FOXP1: variants seen among roughly 807,000 people sequenced by gnomAD.
The protein encoded by FOXP1 is forkhead box protein P1.
Under a neutral mutation model 98.2 loss-of-function variants are expected in FOXP1, and 15 were observed. The observed-to-expected ratio is 0.15, with a 90% CI of 0.10 to 0.24. The LOEUF (loss-of-function observed/expected upper bound fraction) is 0.24. FOXP1 is among the 10% of genes least tolerant of loss of function. FOXP1 has a pLI of 1.00. For synonymous variants in FOXP1, 371 were observed against 314.5 expected, an observed-to-expected ratio of 1.18 and a Z score of -1.90; for missense variants, 633 against 848.5, an observed-to-expected ratio of 0.75 and a Z score of 3.15.
chr3:71,397,045 TATAC>T (rs1346179976), intron 3 of FOXP1, among the ~76,000 whole-genome samples: 1,055 of 96,006 alleles, frequency 0.011, 269 homozygotes, highest in African/African-American at 0.041. Context: ...TGTATATATA[TATAC>T]ACATATATAT....
At chr3:71,434,340 A>G (rs1194384808) in intron 3 of FOXP1, among the ~76,000 whole-genome samples, 1 of 151,644 alleles carries the variant, frequency 6.6e-6, no homozygotes, top group Non-Finnish European at 1.5e-5. Flanking sequence ...TTCCCACTCC[A>G]GTCCTGGGAG....
chr3:71,446,311 A>G (rs1428085849), intron 3 of FOXP1, among the ~76,000 whole-genome samples: 1 of 152,100 alleles, frequency 6.6e-6, no homozygotes, highest in Non-Finnish European at 1.5e-5. Context: ...TTGCAGATGG[A>G]GGTAATATAA....
intron 4 of FOXP1, among the ~76,000 whole-genome samples, chr3:71,318,987 A>ATT: frequency 6.6e-6 from 1 of 152,224 alleles, no homozygotes. Context: ...ACATTCATAA[A>ATT]CAGAATAGAA....
intron 20 of FOXP1, among the ~76,000 whole-genome samples, chr3:70,962,525 G>A (rs1187735081): frequency 1.3e-5 from 2 of 152,156 alleles, no homozygotes; most frequent in Non-Finnish European, 2.9e-5. Flanking sequence ...GTAAGCTCAG[G>A]TTACCTTAAA....
chr3:71,183,965 C>T (rs1046960794), intron 6 of FOXP1, among the ~76,000 whole-genome samples: 3 of 152,040 alleles, frequency 2.0e-5, no homozygotes, highest in Non-Finnish European at 4.4e-5. Context: ...CCAGCCTGAC[C>T]AACATGGAGA....
chr3:71,077,828 G>A (rs1286698608), intron 7 of FOXP1, among the ~76,000 whole-genome samples: 2 of 140,754 alleles, frequency 1.4e-5, no homozygotes, highest in Non-Finnish European at 1.6e-5. Flanking sequence ...TATGTTTCCT[G>A]TGCATATATT....
chr3:71,515,116 C>T (rs1403860080), intron 2 of FOXP1, among the ~76,000 whole-genome samples: 2 of 152,118 alleles, frequency 1.3e-5, no homozygotes, highest in Non-Finnish European at 2.9e-5. Flanking sequence ...TACGACAGAC[C>T]TCCATTCTCT....
chr3:70,978,141 T>C (rs946093560), intron 14 of FOXP1, 112 bp from the exon 15 acceptor site: 3 of 830,832 alleles, frequency 3.6e-6, no homozygotes, highest in Admixed American at 1.9e-5. Flanking sequence ...TCTTCCTCTA[T>C]GTAGATGGTA....
At chr3:71,026,802 G>A (rs2046178338) in intron 11 of FOXP1, among the ~76,000 whole-genome samples, 2 of 152,230 alleles carry the variant, frequency 1.3e-5, no homozygotes, top group African/African-American at 4.8e-5. Flanking sequence ...CATAGCAGGA[G>A]AACGGAGCAG....
At chr3:71,142,962 AAGGGCAGGGC>A (rs534818407) in intron 6 of FOXP1, among the ~76,000 whole-genome samples, 47 of 151,882 alleles carry the variant, frequency 3.1e-4, no homozygotes, top group Admixed American at 1.1e-3. Flanking sequence ...GCAGGAAAGA[AAGGGCAGGGC>A]AGGGCAGGGC....
chr3:71,541,436 CAT>C (rs143221859), intron 2 of FOXP1, among the ~76,000 whole-genome samples: 1 of 152,246 alleles, frequency 6.6e-6, no homozygotes, highest in East Asian at 1.9e-4. Flanking sequence ...CTTGCTTTCA[CAT>C]AGTAAATTTT....
intron 6 of FOXP1, among the ~76,000 whole-genome samples, chr3:71,120,028 CTG>C (rs1429627611): frequency 1.3e-5 from 2 of 152,220 alleles, no homozygotes; most frequent in African/African-American, 2.4e-5. Flanking sequence ...ATACTAATGA[CTG>C]TGTAAATATT....
At chr3:71,166,184 A>G (rs921093432) in intron 6 of FOXP1, among the ~76,000 whole-genome samples, 1 of 152,088 alleles carries the variant, frequency 6.6e-6, no homozygotes. Context: ...TTCCAGGAAA[A>G]TGGGGGCACA....
intron 3 of FOXP1, among the ~76,000 whole-genome samples, chr3:71,390,404 A>G (rs2080942464): frequency 6.6e-6 from 1 of 152,206 alleles, no homozygotes; most frequent in African/African-American, 2.4e-5. Context: ...CATGCAACCC[A>G]CCTTCTCTGT....
chr3:71,583,461 CTTTCT>C (rs1428166609), intron 1 of FOXP1, 105 bp downstream of exon 1: 20 of 923,112 alleles, frequency 2.2e-5, no homozygotes, highest in South Asian at 1.0e-4. Flanking sequence ...CTTTTTCTTT[CTTTCT>C]TTTTTTTTTT....
intron 6 of FOXP1, among the ~76,000 whole-genome samples, chr3:71,193,124 TTTGTTGTTG>T (rs539003963): frequency 2.0e-5 from 3 of 151,430 alleles, no homozygotes; most frequent in South Asian, 2.1e-4. Flanking sequence ...ATCCCCTTTG[TTTGTTGTTG>T]TTGTTGTTGT....
At chr3:71,268,090 C>CCTTTTT (rs1553808991) in intron 5 of FOXP1, among the ~76,000 whole-genome samples, 2 of 100,382 alleles carry the variant, frequency 2.0e-5, no homozygotes, top group Non-Finnish European at 2.0e-5. Context: ...CTTTTCTTTT[C>CCTTTTT]TTTTTTTTTT....
rs570002814 is a variant in FOXP1 at position 71,104,379 on chromosome 3, A to G, written c.282+8157T>C. Among the ~76,000 whole-genome samples the G allele has an allele frequency of 2.0e-5, 3 of 152,310 alleles. No homozygotes were observed. In the East Asian group the frequency reaches 5.8e-4, roughly 29 times the overall value. On this transcript the variant is annotated intron_variant, in intron 7 of 20. Transcript: ENST00000649528. Reference sequence around the variant, plus strand: ...AGACCTCATTGTGGGATCACAGCCTATCCAAGAAGAAGCCGCCCTTCTGCT... The same window carrying G: ...AGACCTCATTGTGGGATCACAGCCTGTCCAAGAAGAAGCCGCCCTTCTGCT...
chr3:71,002,843 CTT>C (rs1301478277), intron 12 of FOXP1, among the ~76,000 whole-genome samples: 1 of 152,160 alleles, frequency 6.6e-6, no homozygotes, highest in Non-Finnish European at 1.5e-5. Flanking sequence ...CAATTAGTCT[CTT>C]GTCTCACCTA....
Sources: allele counts gnomAD v4.1 joint callset (sites outside exome capture counted in the v4.1 genomes callset), GRCh38; gene constraint gnomAD v4.1.1; transcripts MANE v1.5; gene names NCBI Gene and HGNC (gene_info 2026-07-23, HGNC 2026-07-21).